KCNH1: variants seen among roughly 807,000 people sequenced by gnomAD.
The protein encoded by KCNH1 is potassium voltage-gated channel subfamily H member 1.
Under a neutral mutation model 69.2 loss-of-function variants are expected in KCNH1, and 27 were observed. That is an observed-to-expected ratio of 0.39 (90% CI 0.29 to 0.54). The LOEUF (loss-of-function observed/expected upper bound fraction) is 0.54. Among genes scored for constraint, KCNH1 ranks in the 20% least tolerant of loss-of-function variants. The probability of loss-of-function intolerance (pLI) is 0.68; values close to 1 mark genes in which losing one functional copy is unlikely to be tolerated. For synonymous variants in KCNH1, 456 were observed against 487.7 expected (o/e 0.93, Z 0.86); for missense variants, 798 against 1,261.6 (o/e 0.63, Z 5.57).
chr1:210,816,594 G>A (rs1024207186), intron 7 of KCNH1, among the ~76,000 whole-genome samples: 15 of 152,158 alleles, frequency 9.9e-5, no homozygotes, highest in Admixed American at 7.2e-4. Flanking sequence ...TAGTTACAAC[G>A]CACATGGCTA....
chr1:210,951,456 G>T (rs1011452801), intron 6 of KCNH1, among the ~76,000 whole-genome samples: 3 of 152,208 alleles, frequency 2.0e-5, no homozygotes, highest in Non-Finnish European at 4.4e-5. Context: ...ACAAGCCAGA[G>T]CTGCTGTGAT....
At chr1:210,720,086 A>G (rs2149026078) in intron 10 of KCNH1, among the ~76,000 whole-genome samples, 1 of 152,352 alleles carries the variant, frequency 6.6e-6, no homozygotes, top group East Asian at 1.9e-4. Context: ...AGCAGATGGG[A>G]CATTCTATGG....
Position 211,033,239 on chromosome 1 carries a change from G to T in KCNH1, c.559-13983C>A, listed in dbSNP as rs192724466. Among the ~76,000 whole-genome samples, 473 of 152,250 alleles carry T rather than the reference G, an allele frequency of 3.1e-3. 3 individuals are homozygous for T. Among genetic ancestry groups the T allele is most frequent in the African/African-American group, 0.011 (448 of 41,546 alleles). The stretch of plus-strand genomic sequence containing the variant: ...ACCATCTCACACCAGTTAGAATGGC[G>T]ATCATTAAAAAGTCAGGAAACAGCA... On this transcript the variant is annotated intron_variant, in intron 5 of 10. Coordinates refer to ENST00000271751, the MANE Select transcript of KCNH1 (RefSeq NM_172362.3).
At chr1:210,917,688 A>G (rs1253241104) in intron 7 of KCNH1, among the ~76,000 whole-genome samples, 1 of 152,184 alleles carries the variant, frequency 6.6e-6, no homozygotes, top group Admixed American at 6.5e-5. Flanking sequence ...CGACTGACAA[A>G]GTGGCTCATC....
chr1:211,021,687 T>C (rs1689588784), intron 5 of KCNH1, among the ~76,000 whole-genome samples: 1 of 151,644 alleles, frequency 6.6e-6, no homozygotes, highest in Admixed American at 6.6e-5. Context: ...CATACACCAA[T>C]AGCAAACAAT....
chr1:210,963,690 C>A (rs1688342229), intron 6 of KCNH1, among the ~76,000 whole-genome samples: 1 of 151,794 alleles, frequency 6.6e-6, no homozygotes, highest in Admixed American at 6.6e-5. Flanking sequence ...GAAAGGACAT[C>A]AGAGATTGAA....
intron 6 of KCNH1, among the ~76,000 whole-genome samples, chr1:210,950,215 T>C (rs1348234454): frequency 6.6e-6 from 1 of 151,454 alleles, no homozygotes; most frequent in Non-Finnish European, 1.5e-5. Flanking sequence ...AGTTTAGATT[T>C]CTTTTTTTTT....
chr1:210,816,612 A>C (rs1684821847), intron 7 of KCNH1, among the ~76,000 whole-genome samples: 1 of 152,242 alleles, frequency 6.6e-6, no homozygotes, highest in African/African-American at 2.4e-5. Context: ...CTAAAGGTAG[A>C]CTGGCTTGCA....
chr1:210,861,779 C>T, intron 7 of KCNH1: 2 of 771,128 alleles, frequency 2.6e-6, no homozygotes, highest in Non-Finnish European at 4.8e-6. Flanking sequence ...ATTGCTGCTA[C>T]CAATGGACTC....
chr1:210,782,330 C>G (rs1684002636), intron 9 of KCNH1, among the ~76,000 whole-genome samples: 1 of 152,180 alleles, frequency 6.6e-6, no homozygotes, highest in Non-Finnish European at 1.5e-5. Context: ...TCCCCACCCC[C>G]TCAAATTTAT....
chr1:210,796,252 G>A (rs1206238242), intron 9 of KCNH1, among the ~76,000 whole-genome samples: 3 of 151,986 alleles, frequency 2.0e-5, no homozygotes, highest in African/African-American at 7.3e-5. Flanking sequence ...TGATTCCATG[G>A]ACCTCATCAG....
chr1:211,050,256 T>G (rs1300433091), intron 5 of KCNH1, among the ~76,000 whole-genome samples: 1 of 52,450 alleles, frequency 1.9e-5, no homozygotes, highest in Non-Finnish European at 3.7e-5. Context: ...AGCCCACACA[T>G]TCTTAAAAAA....
chr1:210,691,541 C>G (rs1353550526), intron 10 of KCNH1, among the ~76,000 whole-genome samples: 1 of 152,192 alleles, frequency 6.6e-6, no homozygotes, highest in African/African-American at 2.4e-5. Context: ...ATGTATGAAG[C>G]CATTCTTCTA....
At chr1:211,081,303 A>C (rs978658658) in intron 5 of KCNH1, among the ~76,000 whole-genome samples, 2 of 152,242 alleles carry the variant, frequency 1.3e-5, no homozygotes, top group Non-Finnish European at 2.9e-5. Flanking sequence ...GCGATCATTA[A>C]AAAGTCAGGA....
At chr1:210,850,010 A>G (rs938535934) in intron 7 of KCNH1, among the ~76,000 whole-genome samples, 18 of 151,836 alleles carry the variant, frequency 1.2e-4, no homozygotes, top group Non-Finnish European at 1.9e-4. Flanking sequence ...AAATGTGGGG[A>G]AAAAAAAGAA....
chr1:210,937,761 AC>A (rs58587427), intron 6 of KCNH1, among the ~76,000 whole-genome samples: 3,485 of 152,210 alleles, frequency 0.023, 129 homozygotes, highest in African/African-American at 0.08. Context: ...TCTTTTAATA[AC>A]CTTTTTTCCT....
At chr1:210,881,686 A>C (rs1345822322) in intron 7 of KCNH1, among the ~76,000 whole-genome samples, 2 of 152,210 alleles carry the variant, frequency 1.3e-5, no homozygotes, top group African/African-American at 2.4e-5. Flanking sequence ...AGACAATGGA[A>C]TATTATTCAG....
chr1:211,063,200 G>A (rs1690463097), intron 5 of KCNH1, among the ~76,000 whole-genome samples: 1 of 152,112 alleles, frequency 6.6e-6, no homozygotes, highest in South Asian at 2.1e-4. Context: ...AATAAGTCAA[G>A]CGCAGAAAGA....
chr1:210,801,434 G>A (rs573791782), intron 8 of KCNH1, among the ~76,000 whole-genome samples: 1 of 152,260 alleles, frequency 6.6e-6, no homozygotes, highest in South Asian at 2.1e-4. Context: ...GCCCGCTCTG[G>A]GCTCCAGAGT....
Sources: gnomAD v4.1 joint callset for allele counts (sites outside exome capture counted in the v4.1 genomes callset) on GRCh38, gnomAD v4.1.1 for gene constraint, MANE v1.5 for transcripts, NCBI Gene and HGNC (gene_info 2026-07-23, HGNC 2026-07-21) for gene names.